ATAD2: variants seen among roughly 807,000 people sequenced by gnomAD.
ATAD2 encodes ATPase family AAA domain-containing protein 2.
In ATAD2, 62 loss-of-function variants were observed where a neutral mutation model predicts 168.9. The observed-to-expected ratio is 0.37, with a 90% CI of 0.30 to 0.45. ATAD2 has a LOEUF of 0.45. Among genes scored for constraint, ATAD2 ranks in the 20% least tolerant of loss-of-function variants. The probability of loss-of-function intolerance (pLI) is 1.00; values close to 1 mark genes in which losing one functional copy is unlikely to be tolerated. For synonymous variants in ATAD2, 613 were observed against 571.6 expected, an observed-to-expected ratio of 1.07 and a Z score of -1.03; for missense variants, 1,419 against 1,667.8, an observed-to-expected ratio of 0.85 and a Z score of 2.60.
Position 123,344,948 on chromosome 8 carries a change from G to C in ATAD2, c.2654C>G (p.Pro885Arg). ...AAGTAGTAAAACTGGAGCAAATGAA[G>C]GAATATTCTGTAATAATGTGGTAAA... ...ATFTTLLQNI[P>R]SFAPVLLLAT... is the part of the protein sequence containing the mutation. Residue 885 changes from proline to arginine, a missense_variant, in exon 19 of 28, where the codon CCT becomes CGT. Coordinates refer to ENST00000287394, the MANE Select transcript of ATAD2 (RefSeq NM_014109.4). The C allele has an allele frequency of 6.2e-7, 1 of 1,614,100 alleles. No individual in the cohort carries two copies. The highest frequency in any genetic ancestry group is 8.5e-7 in the Non-Finnish European group (1 of 1,179,982).
intron 20 of ATAD2, among the ~76,000 whole-genome samples, chr8:123,338,836 TG>T (rs781331265): frequency 9.8e-5 from 15 of 152,292 alleles, no homozygotes; most frequent in Non-Finnish European, 2.2e-4. Context: ...AGGTTGAGGC[TG>T]CAGTTGAGCC....
intron 13 of ATAD2, 135 bp from the exon 14 acceptor site, chr8:123,349,579 T>C (rs531343477): frequency 1.0e-5 from 8 of 770,282 alleles, no homozygotes; most frequent in Admixed American, 3.4e-5. Flanking sequence ...CTATTTCCAA[T>C]GGATTAAAAA....
chr8:123,383,132 G>T (rs1829538701), intron 1 of ATAD2, among the ~76,000 whole-genome samples: 1 of 152,074 alleles, frequency 6.6e-6, no homozygotes, highest in Non-Finnish European at 1.5e-5. Context: ...ACTCATAAGT[G>T]GGAGTTGAAC....
At chr8:123,333,599 G>C (rs1326614262) in intron 24 of ATAD2, among the ~76,000 whole-genome samples, 1 of 152,138 alleles carries the variant, frequency 6.6e-6, no homozygotes, top group African/African-American at 2.4e-5. Flanking sequence ...AGGTAACGTG[G>C]AGTTACCTTC....
chr8:123,342,813 A>C (rs1292132015), intron 19 of ATAD2, among the ~76,000 whole-genome samples: 1 of 151,682 alleles, frequency 6.6e-6, no homozygotes, highest in African/African-American at 2.4e-5. Flanking sequence ...TCCCTCACTT[A>C]CTCTGCTCTA....
intron 8 of ATAD2, among the ~76,000 whole-genome samples, chr8:123,362,031 G>C (rs868126841): frequency 1.3e-5 from 2 of 152,212 alleles, no homozygotes; most frequent in South Asian, 2.1e-4. Context: ...AGGAGACCGA[G>C]GGGGAAGGAT....
At chr8:123,354,414 A>T (rs945858044) in intron 13 of ATAD2, among the ~76,000 whole-genome samples, 1 of 152,248 alleles carries the variant, frequency 6.6e-6, no homozygotes, top group Non-Finnish European at 1.5e-5. Context: ...TTAAAAATGT[A>T]GCTATATTTG....
chr8:123,393,785 C>T (rs1327238576), intron 1 of ATAD2, among the ~76,000 whole-genome samples: 1 of 151,874 alleles, frequency 6.6e-6, no homozygotes, highest in Non-Finnish European at 1.5e-5. Flanking sequence ...GGCGTGGTGG[C>T]GCATGCCTGT....
intron 2 of ATAD2, among the ~76,000 whole-genome samples, chr8:123,380,036 G>A (rs1481118673): frequency 6.6e-6 from 1 of 151,770 alleles, no homozygotes; most frequent in Non-Finnish European, 1.5e-5. Context: ...ACAGGCATGC[G>A]CCACCATGCC....
chr8:123,331,327 C>A (rs1468339727), intron 24 of ATAD2, among the ~76,000 whole-genome samples: 4 of 152,118 alleles, frequency 2.6e-5, no homozygotes, highest in Non-Finnish European at 2.9e-5. Flanking sequence ...CAAACCCCAC[C>A]TCCTGGGTTC....
chr8:123,405,322 C>T (rs936487315), intron 1 of ATAD2, among the ~76,000 whole-genome samples: 1 of 150,258 alleles, frequency 6.7e-6, no homozygotes, highest in Non-Finnish European at 1.5e-5. Flanking sequence ...AATGGTGCGA[C>T]CTCAGCTCAC....
upstream of ATAD2, among the ~76,000 whole-genome samples, chr8:123,399,826 C>A (rs1007517526): frequency 6.6e-6 from 1 of 150,834 alleles, no homozygotes; most frequent in Non-Finnish European, 1.5e-5. Context: ...TGCACTCCAG[C>A]TTGGGCAACA....
chr8:123,373,551 G>C (rs1330662162), intron 2 of ATAD2, among the ~76,000 whole-genome samples: 1 of 152,058 alleles, frequency 6.6e-6, no homozygotes, highest in Admixed American at 6.6e-5. Flanking sequence ...CACTTTGGGA[G>C]GTTGAGACGG....
intron 27 of ATAD2, among the ~76,000 whole-genome samples, chr8:123,321,987 C>CTTTTTTTT (rs869048943): frequency 5.1e-5 from 7 of 136,486 alleles, no homozygotes; most frequent in African/African-American, 2.0e-4. Flanking sequence ...GTACATAAGT[C>CTTTTTTTT]TTTTTTTTTT....
At position 123,328,575 on chromosome 8, in the gene ATAD2, C is replaced by T. The variant is rs771461342; in HGVS notation, c.3483G>A (p.Gln1161=). Residue 1161 remains glutamine, a synonymous_variant, in exon 25 of 28, where the codon CAG becomes CAA. Transcript: ENST00000287394. Reference sequence around the variant, plus strand: ...ACTTTTTGCGAATTTTCCTCTTCAACTGAGCTTCAAGAAATTTAAAGAAAA... The same window carrying T: ...ACTTTTTGCGAATTTTCCTCTTCAATTGAGCTTCAAGAAATTTAAAGAAAA... The part of the protein sequence containing the change: ...STPVACSTPA[Q]LKRKIRKKSN... The T allele has an allele frequency of 1.3e-6, 2 of 1,518,114 alleles. No individual in the cohort carries two copies. The highest frequency in any genetic ancestry group is 1.4e-5 in the South Asian group (1 of 73,382). The allele number at this position is 1,518,114 out of a possible 1,614,324, so 94.0% of individuals were successfully genotyped here. A position where few individuals can be genotyped will look rare whatever the true frequency, so the allele number is the denominator to read the frequency against.
At chr8:123,328,717 A>T (rs1277512224) in intron 24 of ATAD2, 138 bp from the exon 25 acceptor site, 2 of 905,912 alleles carry the variant, frequency 2.2e-6, no homozygotes, top group African/African-American at 3.4e-5. Context: ...CAGAAACAAG[A>T]ATAGAGCATA....
At chr8:123,321,201 T>C (rs988912330) in intron 27 of ATAD2, 26 bp from the exon 28 acceptor site, 1 of 1,589,796 alleles carries the variant, frequency 6.3e-7, no homozygotes, top group Non-Finnish European at 8.6e-7. Flanking sequence ...GAAGAGCAAA[T>C]AGTAAGTTTC....
intron 1 of ATAD2, among the ~76,000 whole-genome samples, chr8:123,411,383 G>C (rs1420659992): frequency 1.3e-5 from 2 of 152,140 alleles, no homozygotes; most frequent in Non-Finnish European, 2.9e-5. Context: ...GAAGCAGTTA[G>C]AGCAGTCGTC....
chr8:123,372,503 G>T, intron 3 of ATAD2, 134 bp downstream of exon 3: 2 of 658,846 alleles, frequency 3.0e-6, no homozygotes, highest in Non-Finnish European at 4.8e-6. Flanking sequence ...TGGCTTCATG[G>T]CATATACTTA....
Sources: gnomAD v4.1 joint callset for allele counts (sites outside exome capture counted in the v4.1 genomes callset) on GRCh38, gnomAD v4.1.1 for gene constraint, MANE v1.5 for transcripts, NCBI Gene and HGNC (gene_info 2026-07-23, HGNC 2026-07-21) for gene names.